The following RGS17 variants were observed in gnomAD, a reference collection of about 807,000 sequenced individuals.
The protein encoded by RGS17 is regulator of G protein signaling 17, also known as regulator of G-protein signaling 17.
Under a neutral mutation model 25.5 loss-of-function variants are expected in RGS17, and 12 were observed. The observed-to-expected ratio is 0.47, with a 90% CI of 0.30 to 0.76. RGS17 has a LOEUF of 0.76. Among genes scored for constraint, RGS17 ranks in the 30% least tolerant of loss-of-function variants. The pLI, the probability that RGS17 is intolerant of heterozygous loss-of-function variation, is 0.07. For synonymous variants in RGS17, 71 were observed against 76.9 expected (o/e 0.92, Z 0.40); for missense variants, 196 against 242.2 (o/e 0.81, Z 1.27).
At chr6:153,049,108 A>C (rs989961977) in intron 1 of RGS17, among the ~76,000 whole-genome samples, 5 of 152,222 alleles carry the variant, frequency 3.3e-5, no homozygotes, top group African/African-American at 1.2e-4. Flanking sequence ...ATTGGAAAAG[A>C]AAATACAAAC....
chr6:153,027,937 C>A (rs1006715545), intron 2 of RGS17, among the ~76,000 whole-genome samples: 2 of 152,130 alleles, frequency 1.3e-5, no homozygotes, highest in Non-Finnish European at 2.9e-5. Context: ...TAAGAGAAAC[C>A]AAGACAATGT....
At chr6:153,019,911 C>T (rs934306613) in intron 4 of RGS17, among the ~76,000 whole-genome samples, 7 of 151,600 alleles carry the variant, frequency 4.6e-5, no homozygotes, top group Non-Finnish European at 7.4e-5. Context: ...TGGAGCAAGT[C>T]TACTATTAGG....
At chr6:153,077,508 T>C (rs1776900313) in intron 1 of RGS17, among the ~76,000 whole-genome samples, 1 of 152,220 alleles carries the variant, frequency 6.6e-6, no homozygotes, top group Admixed American at 6.5e-5. Flanking sequence ...AGTTCAGCAG[T>C]AGTTTTATGA....
At chr6:153,028,743 T>A (rs1257815159) in intron 2 of RGS17, among the ~76,000 whole-genome samples, 1 of 152,242 alleles carries the variant, frequency 6.6e-6, no homozygotes, top group Admixed American at 6.5e-5. Flanking sequence ...CTTCTATGTG[T>A]GTGTGCAAAC....
intron 1 of RGS17, among the ~76,000 whole-genome samples, chr6:153,116,205 G>T (rs984214836): frequency 6.6e-6 from 1 of 151,948 alleles, no homozygotes; most frequent in African/African-American, 2.4e-5. Flanking sequence ...GAATCTACAA[G>T]GAACTTAAAC....
At chr6:153,091,025 A>G (rs1777123579) in intron 1 of RGS17, among the ~76,000 whole-genome samples, 1 of 152,182 alleles carries the variant, frequency 6.6e-6, no homozygotes, top group Non-Finnish European at 1.5e-5. Context: ...TAAATCAATG[A>G]TTTAGGCAAG....
chr6:153,091,567 C>G (rs1409769241), intron 1 of RGS17, among the ~76,000 whole-genome samples: 4 of 151,780 alleles, frequency 2.6e-5, no homozygotes, highest in African/African-American at 4.8e-5. Context: ...CAGGATTGCA[C>G]ACAGGTGCAA....
At position 153,130,829 on chromosome 6, in the gene RGS17, A is replaced by G. The variant is rs1363257686; in HGVS notation, c.-26+295T>C. Among the ~76,000 whole-genome samples, 1 of 151,776 alleles carries G rather than the reference A, an allele frequency of 6.6e-6. No individual in the cohort carries two copies. Among genetic ancestry groups the G allele is most frequent in the East Asian group, 2.0e-4 (1 of 5,084 alleles). ...CCGAGCGTTCCCCGGCGGGCAGGAC[A>G]CTCGCCCGGTTCCCTGCAGCAGCTG... On this transcript the variant is annotated intron_variant, in intron 1 of 4. Coordinates refer to ENST00000206262, the MANE Select transcript of RGS17 (RefSeq NM_012419.5). This position sits in a 1 kb window ranked among gnomAD's most constrained non-coding sequence, Gnocchi z 6.4.
intron 2 of RGS17, among the ~76,000 whole-genome samples, chr6:153,039,981 T>C (rs1278503481): frequency 6.6e-6 from 1 of 152,164 alleles, no homozygotes; most frequent in Non-Finnish European, 1.5e-5. Context: ...GTGTCAACCT[T>C]GAACCTGTAG....
Position 153,008,340 on chromosome 6 carries a change from A to C in RGS17, c.*3234T>G, listed in dbSNP as rs938116105. 1.4e-4 allele frequency: 22 copies of C among 152,154 alleles called. No individual in the cohort carries two copies. Among genetic ancestry groups the C allele is most frequent in the African/African-American group, 4.3e-4 (18 of 41,434 alleles). 9.4% of individuals were successfully genotyped at this position (152,154 alleles called of 1,614,324 possible). A position where few individuals can be genotyped will look rare whatever the true frequency, so the allele number is the denominator to read the frequency against. ...ATATTTTAAGATTTCAAAAAAAAAA[A>C]ACATCACATTATGGTCTTGACTTCT... On this transcript the variant is annotated 3_prime_UTR_variant, in exon 5 of 5. Transcript: ENST00000206262.
chr6:153,090,522 G>C (rs974874694), intron 1 of RGS17, among the ~76,000 whole-genome samples: 1 of 151,730 alleles, frequency 6.6e-6, no homozygotes, highest in African/African-American at 2.4e-5. Flanking sequence ...AGGAGACTGA[G>C]GCAGGAGGAT....
intron 1 of RGS17, among the ~76,000 whole-genome samples, chr6:153,079,242 T>C (rs1358069825): frequency 6.6e-6 from 1 of 152,176 alleles, no homozygotes; most frequent in Non-Finnish European, 1.5e-5. Flanking sequence ...CACATCTGGC[T>C]AATCTTTGTA....
At chr6:153,023,522 A>T in intron 4 of RGS17, 2 of 262,138 alleles carry the variant, frequency 7.6e-6, no homozygotes, top group Non-Finnish European at 1.6e-5. Flanking sequence ...TCTCAAGAAC[A>T]AATTAAGTTT....
chr6:153,060,713 C>A (rs2129114739), intron 1 of RGS17, among the ~76,000 whole-genome samples: 1 of 149,924 alleles, frequency 6.7e-6, no homozygotes, highest in South Asian at 2.1e-4. Context: ...AGGTTTATCG[C>A]ACTTTTTTTT....
At position 153,061,043 on chromosome 6, in the gene RGS17, A is replaced by T. The variant is rs535122623; in HGVS notation, c.-25-17000T>A. Among the ~76,000 whole-genome samples the T allele has an allele frequency of 2.6e-4, 39 of 152,332 alleles. No individual in the cohort carries two copies. The South Asian group carries it at 7.2e-3, about 28-fold the overall frequency. ...ACTTAGGTTCTCTAACAGAGGCCAG[A>T]TATGTACAGTTAAAATGAAGTGGAA... On this transcript the variant is annotated intron_variant, in intron 1 of 4. Coordinates refer to ENST00000206262, the MANE Select transcript of RGS17 (RefSeq NM_012419.5).
At chr6:153,106,702 G>C (rs1298083675) in intron 1 of RGS17, among the ~76,000 whole-genome samples, 2 of 151,958 alleles carry the variant, frequency 1.3e-5, no homozygotes, top group East Asian at 3.9e-4. Context: ...GAGTGCAATG[G>C]TGCGATTTCA....
chr6:153,096,032 G>C (rs1313646528), intron 1 of RGS17, among the ~76,000 whole-genome samples: 3 of 152,156 alleles, frequency 2.0e-5, no homozygotes. Context: ...AAAGATCTGG[G>C]TAGAAATCTT....
intron 1 of RGS17, among the ~76,000 whole-genome samples, chr6:153,113,637 G>A (rs1407006498): frequency 1.3e-5 from 2 of 152,126 alleles, no homozygotes; most frequent in Admixed American, 1.3e-4. Context: ...ATTCTTCTTA[G>A]CACCACATTG....
chr6:153,071,605 A>G (rs1168202257), intron 1 of RGS17, among the ~76,000 whole-genome samples: 1 of 152,206 alleles, frequency 6.6e-6, no homozygotes, highest in Non-Finnish European at 1.5e-5. Context: ...TTTAATAGAC[A>G]TAAAACTGCT....
Sources: gnomAD v4.1 joint callset for allele counts (sites outside exome capture counted in the v4.1 genomes callset) on GRCh38, gnomAD v4.1.1 for gene constraint, Gnocchi (gnomAD v3.1) non-coding constraint, MANE v1.5 for transcripts, NCBI Gene and HGNC (gene_info 2026-07-23, HGNC 2026-07-21) for gene names.